Variants in CEP170B observed in about 807,000 individuals in gnomAD.
CEP170B encodes centrosomal protein 170B.
In CEP170B, 55 loss-of-function variants were observed where a neutral mutation model predicts 120.6. The ratio of observed to expected loss-of-function variants is 0.46; its 90% CI spans 0.37 to 0.57. CEP170B has a LOEUF of 0.57. Among genes scored for constraint, CEP170B ranks in the 20% least tolerant of loss-of-function variants. The pLI is 0.00. For synonymous variants in CEP170B, 1,033 were observed against 954.5 expected (o/e 1.08, Z -1.52); for missense variants, 2,212 against 2,253.3 (o/e 0.98, Z 0.37).
chr14:104,871,952 C>T (rs576040506), intron 2 of CEP170B, among the ~76,000 whole-genome samples: 6 of 152,346 alleles, frequency 3.9e-5, no homozygotes, highest in Non-Finnish European at 7.3e-5. Context: ...TGTCCAGGGC[C>T]CTGCCTCTGC....
intron 6 of CEP170B, 86 bp downstream of exon 6, chr14:104,880,511 C>T: frequency 6.5e-7 from 1 of 1,542,730 alleles, no homozygotes; most frequent in Non-Finnish European, 8.8e-7. Context: ...CACCCCTTAA[C>T]CCTCTGCATG....
Position 104,868,135 on chromosome 14 carries a change from G to A in CEP170B, c.-27-289G>A, listed in dbSNP as rs763640615. Among the ~76,000 whole-genome samples the A allele has an allele frequency of 6.6e-5, 10 of 152,174 alleles. No homozygotes were observed. The highest frequency in any genetic ancestry group is 1.3e-4 in the Non-Finnish European group (9 of 68,022). Reference sequence around the variant, plus strand: ...CATGAACTTCAACCCCTGACACCTGGAAGATAGAGGAGATGAGGTGTGCTG... The same window carrying A: ...CATGAACTTCAACCCCTGACACCTGAAAGATAGAGGAGATGAGGTGTGCTG... On this transcript the variant is annotated intron_variant, in intron 1 of 18. Coordinates refer to ENST00000414716, the MANE Select transcript of CEP170B (RefSeq NM_001112726.3). The surrounding 1 kb of genome is among the most constrained non-coding windows in gnomAD (Gnocchi z 5.9).
rs777670817 is a variant in CEP170B at position 104,887,016 on chromosome 14, C to A, written c.2777C>A (p.Ala926Asp). Residue 926 changes from alanine to aspartate, a missense_variant, in exon 12 of 19, where the codon GCC (alanine) becomes GAC (aspartate). Ala to Asp is a moderately radical substitution (Grantham distance 126). Coordinates refer to ENST00000414716, the MANE Select transcript of CEP170B (RefSeq NM_001112726.3). ...GAGACGGCCCTGGCGGCCCTGGAGG[C>A]CCGACTCCTCTCTAATTCTGTGGAT... ...ETETALAALE[A>D]RLLSNSVDAE... 6.2e-7 allele frequency: 1 copy of A among 1,610,474 alleles called. No homozygotes were observed. Among genetic ancestry groups the A allele is most frequent in the Admixed American group, 1.7e-5 (1 of 60,022 alleles).
chr14:104,871,298 C>T (rs1430350859), intron 2 of CEP170B, among the ~76,000 whole-genome samples: 2 of 152,172 alleles, frequency 1.3e-5, no homozygotes, highest in Non-Finnish European at 1.5e-5. Context: ...ATCCCAAGCT[C>T]GGTGGCTGAA....
At chr14:104,878,333 C>A (rs1895969780) in intron 4 of CEP170B, 110 bp from the exon 5 acceptor site, 1 of 1,121,702 alleles carries the variant, frequency 8.9e-7, no homozygotes, top group South Asian at 1.4e-5. Flanking sequence ...AGAGGCCCCT[C>A]CTCTGCCTGC....
At chr14:104,889,214 C>T (rs1198006498) in intron 12 of CEP170B, among the ~76,000 whole-genome samples, 2 of 152,202 alleles carry the variant, frequency 1.3e-5, no homozygotes, top group Non-Finnish European at 2.9e-5. Context: ...ACTGCTTTCC[C>T]ACCACCTGTA....
At chr14:104,873,931 G>A (rs914133509) in intron 2 of CEP170B, among the ~76,000 whole-genome samples, 8 of 152,170 alleles carry the variant, frequency 5.3e-5, no homozygotes, top group Non-Finnish European at 1.0e-4. Context: ...TGTGTCGGGC[G>A]GGCTGAGGTG....
rs994630392 is a variant in CEP170B at position 104,868,926 on chromosome 14, G to C, written c.105+371G>C. Among the ~76,000 whole-genome samples, 2 of 152,198 alleles carry C rather than the reference G, an allele frequency of 1.3e-5. No individual in the cohort carries two copies. Among genetic ancestry groups the C allele is most frequent in the South Asian group, 2.1e-4 (1 of 4,826 alleles). ...TTGGAAGGTCCTGGAAAGCCGGTCT[G>C]TCCATATTCTTGTTGTCTGGGGGCC... On this transcript the variant is annotated intron_variant, in intron 2 of 18. Coordinates refer to ENST00000414716, the MANE Select transcript of CEP170B (RefSeq NM_001112726.3). This position sits in a 1 kb window ranked among gnomAD's most constrained non-coding sequence, Gnocchi z 5.9.
chr14:104,877,833 G>GCCCCCCCCCCCCCCCCCCCCC, intron 3 of CEP170B, 52 bp from the exon 4 acceptor site: 2 of 359,712 alleles, frequency 5.6e-6, no homozygotes, highest in South Asian at 3.5e-5. Context: ...CCTGCCCACA[G>GCCCCCCCCCCCCCCCCCCCCC]CCACCCACCC....
intron 6 of CEP170B, 80 bp from the exon 7 acceptor site, chr14:104,882,648 C>A: frequency 8.5e-7 from 1 of 1,181,834 alleles, no homozygotes; most frequent in Non-Finnish European, 1.2e-6. Flanking sequence ...AGAGTCCAGC[C>A]TCTCCTGGGC....
intron 1 of CEP170B, among the ~76,000 whole-genome samples, chr14:104,866,886 C>T (rs950496985): frequency 2.6e-5 from 4 of 152,146 alleles, no homozygotes; most frequent in African/African-American, 9.7e-5. Flanking sequence ...CTCCCCTTCT[C>T]CTCTGCTCCA....
In CEP170B at chr14:104,865,627, G is replaced by C. The variant is rs562710870; in HGVS notation, c.-28+114G>C. On this transcript the variant is annotated intron_variant, in intron 1 of 18. Coordinates refer to ENST00000414716, the MANE Select transcript of CEP170B (RefSeq NM_001112726.3). This position sits in a 1 kb window ranked among gnomAD's most constrained non-coding sequence, Gnocchi z 6.7. ...CCCGGCCGAGGCCGGACAAAGGCGCGGGGGTTGGGGGCCGCCCGGCGCACC... is the reference window on the plus strand; with the variant it reads ...CCCGGCCGAGGCCGGACAAAGGCGCCGGGGTTGGGGGCCGCCCGGCGCACC... The C allele has an allele frequency of 1.3e-5, 2 of 151,562 alleles. No homozygotes were observed. Among genetic ancestry groups the C allele is most frequent in the East Asian group, 1.9e-4 (1 of 5,140 alleles). The allele number at this position is 151,562 out of a possible 1,614,324, so 9.4% of individuals were successfully genotyped here. A position where few individuals can be genotyped will look rare whatever the true frequency, so the allele number is the denominator to read the frequency against.
intron 2 of CEP170B, among the ~76,000 whole-genome samples, chr14:104,876,034 T>A (rs1188594477): frequency 6.6e-6 from 1 of 151,784 alleles, no homozygotes; most frequent in African/African-American, 2.4e-5. Context: ...GGGAGGGCGG[T>A]CATGAGGGGA....
At position 104,891,922 on chromosome 14, in the gene CEP170B, G is replaced by C. The variant is rs1314720009; in HGVS notation, c.3879-1054G>C. ...AGGACCCAGTCCTGAATGGGGCCAG[G>C]GCAGCCAGTGGGATGTGCAAGGCCA... On this transcript the variant is annotated intron_variant, in intron 13 of 18. Coordinates refer to ENST00000414716, the MANE Select transcript of CEP170B (RefSeq NM_001112726.3). The surrounding 1 kb of genome is among the most constrained non-coding windows in gnomAD (Gnocchi z 4.3). Among the ~76,000 whole-genome samples the C allele has an allele frequency of 2.6e-5, 4 of 152,196 alleles. No homozygotes were observed. The highest frequency in any genetic ancestry group is 5.9e-5 in the Non-Finnish European group (4 of 68,030).
intron 6 of CEP170B, among the ~76,000 whole-genome samples, chr14:104,882,464 G>A (rs1238366188): frequency 6.7e-6 from 1 of 149,062 alleles, no homozygotes; most frequent in Non-Finnish European, 1.5e-5. Flanking sequence ...GGGCCAGGCA[G>A]GGAGGAGGGG....
chr14:104,877,582 C>T (rs1450872425), intron 3 of CEP170B, among the ~76,000 whole-genome samples: 1 of 152,222 alleles, frequency 6.6e-6, no homozygotes, highest in Non-Finnish European at 1.5e-5. Flanking sequence ...TGAGAGGAAG[C>T]ATCTCTTGGA....
At chr14:104,889,910 ATGGATGGATGGATGG>A (rs1896708703) in intron 13 of CEP170B, among the ~76,000 whole-genome samples, 152 bp downstream of exon 13, 4 of 93,850 alleles carry the variant, frequency 4.3e-5, no homozygotes, top group East Asian at 5.7e-4. Context: ...GGACAAATGG[ATGGATGGATGGATGG>A]ATGGATGGAT....
intron 2 of CEP170B, among the ~76,000 whole-genome samples, chr14:104,875,071 C>T (rs1009821421): frequency 7.9e-5 from 12 of 152,250 alleles, no homozygotes; most frequent in Non-Finnish European, 1.8e-4. Flanking sequence ...TGTTTCATGA[C>T]GGTGCCCTGT....
intron 2 of CEP170B, among the ~76,000 whole-genome samples, chr14:104,875,840 G>T (rs1303530509): frequency 6.6e-6 from 1 of 152,188 alleles, no homozygotes; most frequent in Non-Finnish European, 1.5e-5. Context: ...CACCAAAGGT[G>T]TGGACACTGG....
Sources: gnomAD v4.1 joint callset for allele counts (sites outside exome capture counted in the v4.1 genomes callset) on GRCh38, gnomAD v4.1.1 for gene constraint, Gnocchi (gnomAD v3.1) non-coding constraint, MANE v1.5 for transcripts, NCBI Gene and HGNC (gene_info 2026-07-23, HGNC 2026-07-21) for gene names.